The following MAGI2 variants were observed in gnomAD, a reference collection of about 807,000 sequenced individuals.
The protein encoded by MAGI2 is membrane-associated guanylate kinase, WW and PDZ domain-containing protein 2.
A neutral mutation model predicts 133.3 loss-of-function variants in MAGI2; 35 were observed. That is an observed-to-expected ratio of 0.26 (90% CI 0.20 to 0.35). The LOEUF (loss-of-function observed/expected upper bound fraction) is 0.35, where lower values mean the gene tolerates loss of function less well. MAGI2 is among the 10% of genes least tolerant of loss of function. The probability of loss-of-function intolerance (pLI) is 1.00; values close to 1 mark genes in which losing one functional copy is unlikely to be tolerated. For missense variants in MAGI2, 1,636 were observed against 1,863.4 expected (o/e 0.88, Z 2.25); for synonymous variants, 729 against 710.6 (o/e 1.03, Z -0.41).
At chr7:79,249,075 G>A (rs1336243754) in intron 1 of MAGI2, among the ~76,000 whole-genome samples, 1 of 151,976 alleles carries the variant, frequency 6.6e-6, no homozygotes, top group Non-Finnish European at 1.5e-5. Context: ...TGTTGGACAG[G>A]CTGTTCTCAA....
chr7:79,105,886 G>A (rs148718265), intron 1 of MAGI2, among the ~76,000 whole-genome samples: 253 of 151,826 alleles, frequency 1.7e-3, no homozygotes, highest in African/African-American at 5.8e-3. Context: ...AGAGTCACAG[G>A]TGGCTTAAAC....
At chr7:78,231,710 C>G (rs1190496582) in intron 10 of MAGI2, among the ~76,000 whole-genome samples, 4 of 152,234 alleles carry the variant, frequency 2.6e-5, no homozygotes, top group Non-Finnish European at 5.9e-5. Flanking sequence ...AGTAAACAAG[C>G]TCTCTTTTCC....
intron 9 of MAGI2, among the ~76,000 whole-genome samples, chr7:78,286,326 T>C (rs1796139551): frequency 6.6e-6 from 1 of 152,128 alleles, no homozygotes; most frequent in Non-Finnish European, 1.5e-5. Flanking sequence ...TGTAAGAAGC[T>C]CATCATCTAC....
chr7:78,493,206 A>G (rs1415048525), intron 5 of MAGI2, among the ~76,000 whole-genome samples: 1 of 152,208 alleles, frequency 6.6e-6, no homozygotes, highest in Non-Finnish European at 1.5e-5. Flanking sequence ...AAAATATGCA[A>G]TAGGTGGATC....
At chr7:78,931,558 G>A (rs929978453) in intron 2 of MAGI2, among the ~76,000 whole-genome samples, 6 of 151,976 alleles carry the variant, frequency 3.9e-5, no homozygotes, top group Admixed American at 2.0e-4. Context: ...TGATGAACAT[G>A]TAGAGTAAAT....
chr7:79,244,673 G>C (rs1162179632), intron 1 of MAGI2, among the ~76,000 whole-genome samples: 1 of 152,192 alleles, frequency 6.6e-6, no homozygotes, highest in Non-Finnish European at 1.5e-5. Flanking sequence ...TTGTAAGGCA[G>C]TCAAGGCCAC....
At chr7:78,460,038 C>G (rs560820144) in intron 6 of MAGI2, among the ~76,000 whole-genome samples, 2 of 152,336 alleles carry the variant, frequency 1.3e-5, no homozygotes, top group South Asian at 2.1e-4. Flanking sequence ...AGAGACAACA[C>G]AAGACAAGAA....
intron 9 of MAGI2, among the ~76,000 whole-genome samples, chr7:78,300,060 A>ATT (rs746093925): frequency 5.3e-5 from 8 of 152,128 alleles, no homozygotes; most frequent in Non-Finnish European, 8.8e-5. Flanking sequence ...TAACATAAAT[A>ATT]TTTGCCACTG....
chr7:78,399,987 A>G (rs932066818), intron 6 of MAGI2, among the ~76,000 whole-genome samples: 3 of 152,144 alleles, frequency 2.0e-5, no homozygotes, highest in Admixed American at 2.0e-4. Context: ...CCATGTAGGA[A>G]CATCTTTGGT....
intron 9 of MAGI2, among the ~76,000 whole-genome samples, chr7:78,309,014 T>G (rs570700827): frequency 4.2e-5 from 6 of 144,522 alleles, no homozygotes; most frequent in Non-Finnish European, 9.5e-5. Context: ...TCAGAATGAC[T>G]ATTATTAAAA....
chr7:79,107,275 C>CCATGA (rs1818526014), intron 1 of MAGI2, among the ~76,000 whole-genome samples: 1 of 152,104 alleles, frequency 6.6e-6, no homozygotes, highest in African/African-American at 2.4e-5. Flanking sequence ...AAGAAGGAGG[C>CCATGA]CATGAGCCAA....
intron 2 of MAGI2, among the ~76,000 whole-genome samples, chr7:78,843,726 T>G (rs1157584110): frequency 6.6e-6 from 1 of 151,322 alleles, no homozygotes; most frequent in Non-Finnish European, 1.5e-5. Context: ...TATTGCCTTT[T>G]TATATACTAT....
intron 6 of MAGI2, among the ~76,000 whole-genome samples, chr7:78,440,169 C>T (rs1787468767): frequency 6.6e-6 from 1 of 152,070 alleles, no homozygotes; most frequent in Non-Finnish European, 1.5e-5. Flanking sequence ...TTCTGACTAT[C>T]TGGATTCATA....
intron 6 of MAGI2, among the ~76,000 whole-genome samples, chr7:78,416,518 C>T (rs1308188879): frequency 2.6e-5 from 4 of 152,076 alleles, no homozygotes; most frequent in Non-Finnish European, 4.4e-5. Flanking sequence ...CTGTAGGTTT[C>T]TTAAGTTATA....
At position 78,019,825 on chromosome 7, in the gene MAGI2, C is replaced by A. The variant is rs554774625; in HGVS notation, c.3858G>T (p.Trp1286Cys). 6.2e-7 allele frequency: 1 copy of A among 1,613,466 alleles called. No individual in the cohort carries two copies. Among genetic ancestry groups the A allele is most frequent in the South Asian group, 1.1e-5 (1 of 91,066 alleles). Residue 1286 changes from tryptophan (W) to cysteine (C), a missense_variant, in exon 22 of 22, where the codon TGG (tryptophan) becomes TGT (cysteine). This residue lies in a region of MAGI2 where 354 missense variants were observed against 298.7 expected (regional missense o/e 1.19). Coordinates refer to ENST00000354212, the MANE Select transcript of MAGI2 (RefSeq NM_012301.4). ...PSHQISPGPTWDIKREHDVRK... is the reference protein window; with the variant it reads ...PSHQISPGPTCDIKREHDVRK... ...TAACGTCGTGTTCCCGTTTGATATC[C>A]CAAGTTGGGCCTGGGCTTATCTGGT...
At chr7:79,199,907 T>C (rs1828436029) in intron 1 of MAGI2, among the ~76,000 whole-genome samples, 1 of 151,938 alleles carries the variant, frequency 6.6e-6, no homozygotes, top group Admixed American at 6.5e-5. Flanking sequence ...GGGAGATTTC[T>C]ATGTTACACA....
chr7:79,390,330 C>T (rs1326775315), intron 1 of MAGI2, among the ~76,000 whole-genome samples: 3 of 152,128 alleles, frequency 2.0e-5, no homozygotes, highest in African/African-American at 7.2e-5. Flanking sequence ...CTCTGTATGG[C>T]TTTACCCAAG....
intron 2 of MAGI2, among the ~76,000 whole-genome samples, chr7:78,862,631 G>A (rs1286386069): frequency 6.6e-6 from 1 of 152,160 alleles, no homozygotes; most frequent in Non-Finnish European, 1.5e-5. Context: ...AACCACTCAT[G>A]TTCTCTCAAG....
chr7:79,172,269 GT>G (rs1434531927), intron 1 of MAGI2, among the ~76,000 whole-genome samples: 11 of 152,036 alleles, frequency 7.2e-5, no homozygotes, highest in Non-Finnish European at 1.3e-4. Context: ...ATTTCTTTCA[GT>G]TTGATCTCTT....
Sources: gnomAD v4.1 joint callset for allele counts (sites outside exome capture counted in the v4.1 genomes callset) on GRCh38, gnomAD v4.1.1 for gene constraint, gnomAD v4.1.1 regional missense constraint, MANE v1.5 for transcripts, NCBI Gene and HGNC (gene_info 2026-07-23, HGNC 2026-07-21) for gene names.